AFG2A: variants seen among roughly 807,000 people sequenced by gnomAD.
The protein encoded by AFG2A is AAA ATPase AFG2A.
the AFG2A span, among the ~76,000 whole-genome samples, chr4:123,195,328 C>A: frequency 6.6e-6 from 1 of 152,030 alleles, no homozygotes; most frequent in Non-Finnish European, 1.5e-5. Context: ...AAAATATATA[C>A]CAAAATGTAT....
chr4:123,274,760 T>G, the AFG2A span, among the ~76,000 whole-genome samples: 1 of 152,028 alleles, frequency 6.6e-6, no homozygotes, highest in African/African-American at 2.4e-5. Context: ...TGAAGGAACA[T>G]GAGGCAAGAA....
the AFG2A span, among the ~76,000 whole-genome samples, chr4:123,176,587 G>T: frequency 6.6e-6 from 1 of 152,246 alleles, no homozygotes; most frequent in South Asian, 2.1e-4. Flanking sequence ...AAATACAAGG[G>T]TTTTCATCTC....
the AFG2A span, chr4:122,947,427 G>A: frequency 1.2e-6 from 2 of 1,614,156 alleles, no homozygotes; most frequent in East Asian, 2.2e-5. Context: ...AGCTGCTGCA[G>A]CTGGCAAATA....
chr4:122,944,331 G>A, the AFG2A span, among the ~76,000 whole-genome samples: 5 of 151,794 alleles, frequency 3.3e-5, no homozygotes, highest in Admixed American at 1.3e-4. Context: ...TGCTTTGTTT[G>A]TTTCTTTTTA....
the AFG2A span, among the ~76,000 whole-genome samples, chr4:123,027,046 C>A: frequency 6.6e-6 from 1 of 152,144 alleles, no homozygotes; most frequent in Non-Finnish European, 1.5e-5. Context: ...ACTCCCAGAA[C>A]CCACAATTAT....
chr4:123,268,879 AT>A, the AFG2A span, among the ~76,000 whole-genome samples: 2 of 152,196 alleles, frequency 1.3e-5, no homozygotes, highest in African/African-American at 4.8e-5. Flanking sequence ...TGGAAAAGAT[AT>A]TTTTAAGCTT....
chr4:123,217,935 G>T, the AFG2A span, among the ~76,000 whole-genome samples: 56 of 152,264 alleles, frequency 3.7e-4, no homozygotes, highest in East Asian at 6.4e-3. Context: ...TGGGACTCAG[G>T]ATTACATCTG....
chr4:123,168,224 T>A, the AFG2A span, among the ~76,000 whole-genome samples: 1 of 152,176 alleles, frequency 6.6e-6, no homozygotes, highest in Non-Finnish European at 1.5e-5. Flanking sequence ...CCCTACTACA[T>A]TCTGTCATCC....
At chr4:123,210,446 A>G in the AFG2A span, among the ~76,000 whole-genome samples, 3 of 152,150 alleles carry the variant, frequency 2.0e-5, no homozygotes, top group Admixed American at 6.6e-5. Context: ...GGATATTTGA[A>G]TTTCTGTGCC....
the AFG2A span, among the ~76,000 whole-genome samples, chr4:123,102,903 C>A: frequency 6.6e-6 from 1 of 151,318 alleles, no homozygotes; most frequent in Admixed American, 6.6e-5. Flanking sequence ...TATACACAAT[C>A]TAGCTTGAAA....
chr4:123,095,052 T>A, the AFG2A span, among the ~76,000 whole-genome samples: 1,711 of 36,154 alleles, frequency 0.047, 18 homozygotes, highest in Non-Finnish European at 0.086. Flanking sequence ...AATATATATA[T>A]ATATATATAT....
At chr4:123,217,571 G>T in the AFG2A span, among the ~76,000 whole-genome samples, 5 of 152,192 alleles carry the variant, frequency 3.3e-5, no homozygotes, top group Non-Finnish European at 7.3e-5. Flanking sequence ...AACTTACACA[G>T]CTGAAGTGAA....
the AFG2A span, among the ~76,000 whole-genome samples, chr4:123,250,117 CTA>C: frequency 2.0e-5 from 3 of 152,004 alleles, no homozygotes; most frequent in African/African-American, 7.2e-5. Flanking sequence ...TTCAAGGTGT[CTA>C]TTTTAATACT....
At chr4:123,256,839 G>A in the AFG2A span, 1 of 983,892 alleles carries the variant, frequency 1.0e-6, no homozygotes, top group South Asian at 4.7e-5. Context: ...CTTTACTTAT[G>A]CTATTTTTAT....
At chr4:122,954,959 C>A in the AFG2A span, among the ~76,000 whole-genome samples, 1 of 152,100 alleles carries the variant, frequency 6.6e-6, no homozygotes, top group Non-Finnish European at 1.5e-5. Context: ...CCGGGACCCC[C>A]CCTTGGATTT....
the AFG2A span, among the ~76,000 whole-genome samples, chr4:123,225,323 C>T: frequency 4.2e-4 from 64 of 152,282 alleles, no homozygotes; most frequent in Admixed American, 1.9e-3. Flanking sequence ...AGGTTTTCCT[C>T]TAGGGTTTTT....
At chr4:122,927,863 A>C in the AFG2A span, 1 of 1,451,592 alleles carries the variant, frequency 6.9e-7, no homozygotes, top group Non-Finnish European at 9.3e-7. Flanking sequence ...AGTCAAAGGA[A>C]ATGCTCATTG....
the AFG2A span, among the ~76,000 whole-genome samples, chr4:123,161,725 C>T: frequency 6.6e-6 from 1 of 152,202 alleles, no homozygotes. Flanking sequence ...AGGTTAATCC[C>T]TGCTCTGACT....
chr4:123,219,914 G>A, the AFG2A span, among the ~76,000 whole-genome samples: 1 of 151,640 alleles, frequency 6.6e-6, no homozygotes, highest in Non-Finnish European at 1.5e-5. Flanking sequence ...TTGTTGCCCA[G>A]GCTGGAGTGC....
Sources: allele counts gnomAD v4.1 joint callset (sites outside exome capture counted in the v4.1 genomes callset), GRCh38; gene constraint gnomAD v4.1.1; transcripts MANE v1.5; gene names NCBI Gene and HGNC (gene_info 2026-07-23, HGNC 2026-07-21).